LDLRAD4: variants seen among roughly 807,000 people sequenced by gnomAD.
LDLRAD4 encodes low density lipoprotein receptor class A domain containing 4, also known as low-density lipoprotein receptor class A domain-containing protein 4.
In LDLRAD4, 5 loss-of-function variants were observed where a neutral mutation model predicts 17.0. The ratio of observed to expected loss-of-function variants is 0.29; its 90% CI spans 0.15 to 0.62. LDLRAD4 has a LOEUF of 0.62. LDLRAD4 is among the 20% of genes least tolerant of loss of function. The probability of loss-of-function intolerance (pLI) is 0.84; values close to 1 mark genes in which losing one functional copy is unlikely to be tolerated. For missense variants in LDLRAD4, 340 were observed against 424.7 expected, an observed-to-expected ratio of 0.80 and a Z score of 1.75; for synonymous variants, 168 against 171.8, an observed-to-expected ratio of 0.98 and a Z score of 0.17.
At chr18:13,520,577 G>A (rs2093937812) in intron 3 of LDLRAD4, 1 of 152,258 alleles carries the variant, frequency 6.6e-6, no homozygotes, top group African/African-American at 2.4e-5. Context: ...CGCAGGCTGG[G>A]AACAGTGTCT....
At chr18:13,529,300 A>G in intron 3 of LDLRAD4, among the ~76,000 whole-genome samples, 1 of 152,198 alleles carries the variant, frequency 6.6e-6, no homozygotes, top group Non-Finnish European at 1.5e-5. Context: ...TCTCTCTTTG[A>G]TGTATTCCTC....
chr18:13,324,168 C>G (rs186928824), intron 1 of LDLRAD4, among the ~76,000 whole-genome samples: 6 of 150,540 alleles, frequency 4.0e-5, no homozygotes, highest in Non-Finnish European at 7.4e-5. Context: ...GACGGAGTCT[C>G]GCTCTGTCGC....
At chr18:13,390,181 A>C (rs2086157353) in intron 2 of LDLRAD4, among the ~76,000 whole-genome samples, 1 of 152,106 alleles carries the variant, frequency 6.6e-6, no homozygotes, top group African/African-American at 2.4e-5. Flanking sequence ...GTTTCCCAAG[A>C]ATCTGTTTCC....
intron 1 of LDLRAD4, among the ~76,000 whole-genome samples, chr18:13,239,177 ACT>A (rs1166773414): frequency 8.0e-6 from 1 of 125,276 alleles, no homozygotes; most frequent in African/African-American, 3.4e-5. Flanking sequence ...ACAGAGCAAG[ACT>A]CTGTCTCAAA....
upstream of LDLRAD4, among the ~76,000 whole-genome samples, chr18:13,277,753 A>G (rs546842509): frequency 6.6e-5 from 10 of 152,294 alleles, 1 homozygote; most frequent in Admixed American, 2.6e-4. Context: ...TATGAATTTT[A>G]AGAAGACCAG....
intron 3 of LDLRAD4, among the ~76,000 whole-genome samples, chr18:13,478,804 G>A (rs2146908771): frequency 6.6e-6 from 1 of 152,298 alleles, no homozygotes; most frequent in South Asian, 2.1e-4. Context: ...AAGGGAGACT[G>A]CCTGGAGTAG....
At chr18:13,314,443 C>T (rs181911718) in intron 1 of LDLRAD4, among the ~76,000 whole-genome samples, 26 of 152,326 alleles carry the variant, frequency 1.7e-4, no homozygotes, top group African/African-American at 6.0e-4. Flanking sequence ...TGTACAGGCA[C>T]ACCTTGGAGA....
intron 2 of LDLRAD4, among the ~76,000 whole-genome samples, chr18:13,408,541 T>C (rs1251068406): frequency 6.6e-6 from 1 of 152,050 alleles, no homozygotes; most frequent in African/African-American, 2.4e-5. Context: ...GGCGTGATAT[T>C]GGCTCACTGC....
intron 1 of LDLRAD4, among the ~76,000 whole-genome samples, chr18:13,247,077 C>A (rs914560646): frequency 6.6e-6 from 1 of 152,054 alleles, no homozygotes; most frequent in Non-Finnish European, 1.5e-5. Context: ...CATATCCGTT[C>A]TCACCAGATA....
chr18:13,251,271 G>A (rs1035119198), intron 1 of LDLRAD4, among the ~76,000 whole-genome samples: 3 of 152,228 alleles, frequency 2.0e-5, no homozygotes, highest in South Asian at 2.1e-4. Context: ...AGCTGACATC[G>A]TACTAAATGG....
At chr18:13,324,386 C>T (rs2081408675) in intron 1 of LDLRAD4, among the ~76,000 whole-genome samples, 1 of 152,034 alleles carries the variant, frequency 6.6e-6, no homozygotes, top group Non-Finnish European at 1.5e-5. Flanking sequence ...TTGTGATCCG[C>T]CTGCCTTGGC....
intron 1 of LDLRAD4, among the ~76,000 whole-genome samples, chr18:13,284,149 GC>G (rs1171565356): frequency 6.6e-6 from 1 of 152,136 alleles, no homozygotes; most frequent in Non-Finnish European, 1.5e-5. Flanking sequence ...AATCAGAAAT[GC>G]AGCAAGGGCA....
chr18:13,445,502 G>T (rs1330514786), intron 3 of LDLRAD4, among the ~76,000 whole-genome samples: 1 of 152,070 alleles, frequency 6.6e-6, no homozygotes, highest in African/African-American at 2.4e-5. Flanking sequence ...TGGTGCGTTT[G>T]TGCATGAATG....
At chr18:13,252,676 T>C (rs1231813814) in intron 1 of LDLRAD4, among the ~76,000 whole-genome samples, 2 of 152,278 alleles carry the variant, frequency 1.3e-5, no homozygotes, top group Admixed American at 1.3e-4. Context: ...GCCGCAGATG[T>C]GATGGATGAC....
intron 1 of LDLRAD4, among the ~76,000 whole-genome samples, chr18:13,231,012 A>G (rs530107630): frequency 9.9e-5 from 15 of 152,260 alleles, no homozygotes; most frequent in Non-Finnish European, 2.1e-4. Flanking sequence ...GGACCCTTTT[A>G]GGGCCCACAT....
At chr18:13,339,659 T>C (rs2082273746) in intron 1 of LDLRAD4, among the ~76,000 whole-genome samples, 1 of 152,170 alleles carries the variant, frequency 6.6e-6, no homozygotes, top group Non-Finnish European at 1.5e-5. Flanking sequence ...ATAGAAATGG[T>C]AATAAAATAT....
chr18:13,616,997 C>T (rs182363449), intron 3 of LDLRAD4, among the ~76,000 whole-genome samples: 91 of 152,300 alleles, frequency 6.0e-4, no homozygotes, highest in African/African-American at 2.1e-3. Flanking sequence ...TTTGGAGCCT[C>T]AGGGCAACAG....
chr18:13,586,376 C>T (rs1354557187), intron 3 of LDLRAD4, among the ~76,000 whole-genome samples: 3 of 109,776 alleles, frequency 2.7e-5, no homozygotes, highest in African/African-American at 1.1e-4. Context: ...CACTGCACTT[C>T]AGCCTGGGTG....
At chr18:13,223,036 T>G (rs956030065) in intron 1 of LDLRAD4, among the ~76,000 whole-genome samples, 2 of 152,202 alleles carry the variant, frequency 1.3e-5, no homozygotes, top group Admixed American at 6.5e-5. Context: ...ATCTGGGCAA[T>G]TTGGAAGCTC....
Sources: gnomAD v4.1 joint callset for allele counts (sites outside exome capture counted in the v4.1 genomes callset) on GRCh38, gnomAD v4.1.1 for gene constraint, MANE v1.5 for transcripts, NCBI Gene and HGNC (gene_info 2026-07-23, HGNC 2026-07-21) for gene names.